The following TMEM163 variants were observed in gnomAD, a reference collection of about 807,000 sequenced individuals.
TMEM163 encodes transmembrane protein 163.
TMEM163 carries 17 observed loss-of-function variants against 29.3 expected under a neutral mutation model. The observed-to-expected ratio is 0.58, with a 90% CI of 0.40 to 0.87. The LOEUF (loss-of-function observed/expected upper bound fraction) is 0.87. TMEM163 is among the 40% of genes least tolerant of loss of function. The pLI is 0.00. For missense variants in TMEM163, 303 were observed against 381.5 expected, an observed-to-expected ratio of 0.79 and a Z score of 1.71; for synonymous variants, 157 against 160.6, an observed-to-expected ratio of 0.98 and a Z score of 0.17.
chr2:134,648,935 G>A (rs1258401637), intron 2 of TMEM163, among the ~76,000 whole-genome samples: 1 of 152,152 alleles, frequency 6.6e-6, no homozygotes, highest in Non-Finnish European at 1.5e-5. Flanking sequence ...AACTTCCCTG[G>A]TGCTGAAGAA....
chr2:134,620,331 A>G (rs560191817), intron 2 of TMEM163, among the ~76,000 whole-genome samples: 1 of 151,248 alleles, frequency 6.6e-6, no homozygotes, highest in South Asian at 2.1e-4. Flanking sequence ...ATCTCGGCTC[A>G]CTGCAACCTC....
At chr2:134,712,182 A>T (rs1684940761) in intron 2 of TMEM163, among the ~76,000 whole-genome samples, 1 of 152,238 alleles carries the variant, frequency 6.6e-6, no homozygotes, top group African/African-American at 2.4e-5. Flanking sequence ...TCCAATATAA[A>T]TTGCTTCAAG....
intron 2 of TMEM163, among the ~76,000 whole-genome samples, chr2:134,553,618 A>G (rs1040105093): frequency 5.3e-5 from 8 of 152,196 alleles, no homozygotes; most frequent in African/African-American, 1.9e-4. Flanking sequence ...AGCCATATTC[A>G]GGTCCTCAAA....
chr2:134,689,430 A>T (rs2104881926), intron 2 of TMEM163, among the ~76,000 whole-genome samples: 1 of 152,236 alleles, frequency 6.6e-6, no homozygotes. Context: ...TACACATGAG[A>T]GTCACATTTG....
chr2:134,630,464 G>A (rs1303656594), intron 2 of TMEM163, among the ~76,000 whole-genome samples: 1 of 151,982 alleles, frequency 6.6e-6, no homozygotes, highest in African/African-American at 2.4e-5. Context: ...CATATCCAAT[G>A]CAGCGCTGTG....
chr2:134,500,398 A>T (rs1679671811), intron 5 of TMEM163, among the ~76,000 whole-genome samples: 1 of 152,164 alleles, frequency 6.6e-6, no homozygotes, highest in Non-Finnish European at 1.5e-5. Context: ...CCCGTGGGCC[A>T]CTCAGCCCTC....
At chr2:134,545,135 G>A (rs974729218) in intron 4 of TMEM163, among the ~76,000 whole-genome samples, 3 of 152,142 alleles carry the variant, frequency 2.0e-5, no homozygotes, top group African/African-American at 7.2e-5. Context: ...ACTTAATGCA[G>A]CTTGGAGGTC....
At chr2:134,474,902 A>T (rs1686881067) in intron 5 of TMEM163, among the ~76,000 whole-genome samples, 1 of 152,192 alleles carries the variant, frequency 6.6e-6, no homozygotes. Context: ...TTAAAACGTT[A>T]GTTCTCCCCA....
intron 2 of TMEM163, among the ~76,000 whole-genome samples, chr2:134,583,087 G>A (rs1187312015): frequency 1.3e-5 from 2 of 152,210 alleles, no homozygotes; most frequent in African/African-American, 2.4e-5. Context: ...GCTTAGTCCT[G>A]TGGACAGAGA....
chr2:134,567,844 T>C (rs1681330676), intron 2 of TMEM163, among the ~76,000 whole-genome samples: 1 of 152,170 alleles, frequency 6.6e-6, no homozygotes, highest in South Asian at 2.1e-4. Context: ...TCCAAGTCTT[T>C]GCAATGATGT....
chr2:134,616,293 GC>G (rs1304731327), intron 2 of TMEM163, among the ~76,000 whole-genome samples: 1 of 152,190 alleles, frequency 6.6e-6, no homozygotes, highest in Non-Finnish European at 1.5e-5. Flanking sequence ...TCACCAGAGA[GC>G]CCTTCTTCAC....
rs11301598 is a variant in TMEM163, at chr2:134,680,363, TAA to T, written c.322+32835_322+32836del. 4.4e-4 allele frequency among the ~76,000 whole-genome samples: 64 copies of T among 145,052 alleles called. 1 individual carries two copies. The highest frequency in any genetic ancestry group is 9.0e-4 in the Admixed American group (13 of 14,480). ...ATTTAACACACAAAAATGAGACCTA[TAA>T]AAAAAAAAAGCTCTGTATGGAGGCT... On this transcript the variant is annotated intron_variant, in intron 2 of 7. Transcript: ENST00000281924.
intron 2 of TMEM163, among the ~76,000 whole-genome samples, chr2:134,689,728 G>C (rs1226287718): frequency 6.6e-6 from 1 of 152,196 alleles, no homozygotes. Context: ...AAAACTAATA[G>C]CTTGTGCTTT....
chr2:134,500,959 T>C (rs1679683924), intron 5 of TMEM163, among the ~76,000 whole-genome samples: 2 of 152,172 alleles, frequency 1.3e-5, no homozygotes, highest in Admixed American at 1.3e-4. Flanking sequence ...AATTGTATAA[T>C]ATATCACATA....
intron 4 of TMEM163, among the ~76,000 whole-genome samples, chr2:134,541,720 GATC>G (rs1029603834): frequency 8.5e-5 from 13 of 152,170 alleles, no homozygotes; most frequent in African/African-American, 2.9e-4. Context: ...ACTATACGTA[GATC>G]ATCTCTGTTT....
intron 4 of TMEM163, among the ~76,000 whole-genome samples, chr2:134,524,478 G>A (rs1553477184): frequency 6.7e-6 from 1 of 150,150 alleles, no homozygotes; most frequent in Non-Finnish European, 1.5e-5. Flanking sequence ...ACATCACCTA[G>A]GTATTAAGCC....
intron 4 of TMEM163, among the ~76,000 whole-genome samples, chr2:134,535,725 TTTTGTTTGTTTG>T (rs369742498): frequency 6.9e-6 from 1 of 145,904 alleles, no homozygotes; most frequent in Non-Finnish European, 1.5e-5. Flanking sequence ...TGGTTTTTTT[TTTTGTTTGTTTG>T]TTTTTTTTGA....
At chr2:134,568,520 C>T (rs1381369284) in intron 2 of TMEM163, among the ~76,000 whole-genome samples, 3 of 132,606 alleles carry the variant, frequency 2.3e-5, no homozygotes, top group Non-Finnish European at 4.6e-5. Flanking sequence ...AGTGAGACTC[C>T]GTCAAGAAAG....
chr2:134,713,406 C>A, intron 1 of TMEM163, 87 bp from the exon 2 acceptor site: 1 of 1,574,778 alleles, frequency 6.4e-7, no homozygotes, highest in Admixed American at 1.7e-5. Context: ...CCAAAGATTG[C>A]AAACTAACAG....
Sources: allele counts gnomAD v4.1 joint callset (sites outside exome capture counted in the v4.1 genomes callset), GRCh38; gene constraint gnomAD v4.1.1; transcripts MANE v1.5; gene names NCBI Gene and HGNC (gene_info 2026-07-23, HGNC 2026-07-21).